The following PACS2 variants were observed in gnomAD, a reference collection of about 807,000 sequenced individuals.
The protein encoded by PACS2 is phosphofurin acidic cluster sorting protein 2.
In PACS2, 36 loss-of-function variants were observed where a neutral mutation model predicts 113.0. The ratio of observed to expected loss-of-function variants is 0.32; its 90% CI spans 0.24 to 0.42. The LOEUF (loss-of-function observed/expected upper bound fraction) is 0.42. PACS2 is among the 10% of genes least tolerant of loss of function. The pLI is 1.00. For missense variants in PACS2, 1,015 were observed against 1,239.5 expected, an observed-to-expected ratio of 0.82 and a Z score of 2.72; for synonymous variants, 589 against 536.1, an observed-to-expected ratio of 1.10 and a Z score of -1.36.
At chr14:105,306,556 A>G (rs772553740) in intron 1 of PACS2, among the ~76,000 whole-genome samples, 34 of 149,824 alleles carry the variant, frequency 2.3e-4, no homozygotes, top group Non-Finnish European at 3.8e-4. Flanking sequence ...GCCCACCTCA[A>G]CCTCCCAAAG....
chr14:105,335,246 A>G (rs1202012048), intron 1 of PACS2, among the ~76,000 whole-genome samples: 1 of 152,248 alleles, frequency 6.6e-6, no homozygotes, highest in Non-Finnish European at 1.5e-5. Flanking sequence ...TCTGGGGCAG[A>G]TGCCGTTGCT....
rs1389737565 is a variant in PACS2 at position 105,323,101 on chromosome 14, C to T, written c.119+8064C>T. Among the ~76,000 whole-genome samples the T allele has an allele frequency of 6.6e-6, 1 of 152,132 alleles. No individual in the cohort carries two copies. Among genetic ancestry groups the T allele is most frequent in the Admixed American group, 6.5e-5 (1 of 15,276 alleles). On this transcript the variant is annotated intron_variant, in intron 1 of 24. Coordinates refer to ENST00000447393, the MANE Select transcript of PACS2 (RefSeq NM_001100913.3). The surrounding 1 kb of genome is among the most constrained non-coding windows in gnomAD (Gnocchi z 4.1). ...TGGTCATGTCATCGTTGCCAACGGT[C>T]GTCTCATGGTGGGTCCTGGTGTGGG...
rs180801735 is a variant in PACS2, at chr14:105,303,468, C to T, written c.-83+2489C>T. On this transcript the variant is annotated intron_variant, in intron 1 of 23. Coordinates refer to the PACS2 transcript ENST00000430725. The stretch of plus-strand genomic sequence containing the variant: ...CTGTGTTAGCCAGGATGGTCTTGAT[C>T]TCCTGACCTCGTGATCCACCTGTCT... Among the ~76,000 whole-genome samples, 22 of 152,324 alleles carry T rather than the reference C, an allele frequency of 1.4e-4. No homozygotes were observed. In the East Asian group the frequency reaches 4.2e-3, roughly 29 times the overall value.
At chr14:105,360,032 C>G (rs1347200236) in intron 4 of PACS2, among the ~76,000 whole-genome samples, 1 of 152,154 alleles carries the variant, frequency 6.6e-6, no homozygotes, top group Non-Finnish European at 1.5e-5. Flanking sequence ...GGTCTGTGGC[C>G]TAGGAGCAGG....
upstream of PACS2, among the ~76,000 whole-genome samples, chr14:105,313,663 C>T (rs1258237823): frequency 6.6e-6 from 1 of 152,254 alleles, no homozygotes; most frequent in African/African-American, 2.4e-5. Flanking sequence ...AAACCAGCTC[C>T]AGGTCAATTT....
Position 105,329,101 on chromosome 14 carries a change from C to G in PACS2, c.119+14064C>G, listed in dbSNP as rs1190263237. On this transcript the variant is annotated intron_variant, in intron 1 of 24. Coordinates refer to ENST00000447393, the MANE Select transcript of PACS2 (RefSeq NM_001100913.3). The surrounding 1 kb of genome is among the most constrained non-coding windows in gnomAD (Gnocchi z 6.4). ...AGGGAGGACTCCCTGGAGGCTGGCC[C>G]TGCGCCCTGGAGGCCAGCATGGCCC... 6.6e-6 allele frequency among the ~76,000 whole-genome samples: 1 copy of G among 152,322 alleles called. No homozygotes were observed. Among genetic ancestry groups the G allele is most frequent in the East Asian group, 1.9e-4 (1 of 5,184 alleles).
chr14:105,388,353 C>T lies in PACS2; in HGVS notation c.2034-1608C>T, dbSNP rs587603471. 5.3e-5 allele frequency among the ~76,000 whole-genome samples: 8 copies of T among 152,344 alleles called. No homozygotes were observed. In the South Asian group the frequency reaches 6.2e-4, roughly 12 times the overall value. ...TGCCTCCTGGGAGTGTGCTCTGGAC[C>T]GGCTGCCGGGCAGAGGCTGTTTTAC... On this transcript the variant is annotated intron_variant, in intron 19 of 24. Coordinates refer to ENST00000447393, the MANE Select transcript of PACS2 (RefSeq NM_001100913.3).
Position 105,391,625 on chromosome 14 carries a change from C to G in PACS2, c.2120-6C>G. ...GCTCAGCCTGCCCTGTGACTCCTCC[C>G]CAAAGGCGACTCGGACGACGCGGCC... On this transcript the variant is annotated splice_polypyrimidine_tract_variant and splice_region_variant and intron_variant, in intron 21 of 24. Transcript: ENST00000447393. 6.2e-7 allele frequency: 1 copy of G among 1,608,068 alleles called. No homozygotes were observed. Among genetic ancestry groups the G allele is most frequent in the East Asian group, 2.2e-5 (1 of 44,822 alleles).
chr14:105,369,369 G>T (rs1329503722), intron 7 of PACS2, among the ~76,000 whole-genome samples: 1 of 152,200 alleles, frequency 6.6e-6, no homozygotes, highest in Non-Finnish European at 1.5e-5. Context: ...CGAGAGGGTG[G>T]CTGAGGGTCC....
chr14:105,347,031 C>A (rs1441404665), intron 1 of PACS2, among the ~76,000 whole-genome samples: 1 of 125,396 alleles, frequency 8.0e-6, no homozygotes, highest in Non-Finnish European at 1.7e-5. Context: ...ACGGCTCCCC[C>A]ACTGCCTGTT....
rs893836222 is a variant in PACS2 at position 105,323,590 on chromosome 14, G to A, written c.119+8553G>A. ...TTTCATTTTGAGTGGTGGGGAAGTC[G>A]CTGGACTATTTCAAGTGTGTGTATT... is the stretch of plus-strand genomic sequence containing the variant. On this transcript the variant is annotated intron_variant, in intron 1 of 24. Transcript: ENST00000447393. This position sits in a 1 kb window ranked among gnomAD's most constrained non-coding sequence, Gnocchi z 4.1. 4.6e-5 allele frequency among the ~76,000 whole-genome samples: 7 copies of A among 152,230 alleles called. No homozygotes were observed. The highest frequency in any genetic ancestry group is 1.2e-4 in the African/African-American group (5 of 41,458).
At position 105,317,877 on chromosome 14, in the gene PACS2, G is replaced by A. The variant is rs766395299; in HGVS notation, c.119+2840G>A. On this transcript the variant is annotated intron_variant, in intron 1 of 24. Coordinates refer to ENST00000447393, the MANE Select transcript of PACS2 (RefSeq NM_001100913.3). The surrounding 1 kb of genome is among the most constrained non-coding windows in gnomAD (Gnocchi z 4.2). ...CCCGGGAGCTTGAACTGGGCATGCTGGGCTGTTGTTGGGGAGGCCTGTGCT... is the reference window on the plus strand; with the variant it reads ...CCCGGGAGCTTGAACTGGGCATGCTAGGCTGTTGTTGGGGAGGCCTGTGCT... Among the ~76,000 whole-genome samples the A allele has an allele frequency of 6.6e-6, 1 of 152,144 alleles. No homozygotes were observed. The highest frequency in any genetic ancestry group is 1.5e-5 in the Non-Finnish European group (1 of 68,030).
At chr14:105,325,621 C>A (rs2059076430) in intron 1 of PACS2, among the ~76,000 whole-genome samples, 1 of 152,214 alleles carries the variant, frequency 6.6e-6, no homozygotes, top group Non-Finnish European at 1.5e-5. Context: ...AGCAAAGTGG[C>A]CATGCAGTCC....
At chr14:105,322,628 G>A (rs765262349) in intron 1 of PACS2, among the ~76,000 whole-genome samples, 26 of 152,248 alleles carry the variant, frequency 1.7e-4, no homozygotes, top group Non-Finnish European at 3.2e-4. Context: ...AACTATGCAG[G>A]GACCTTAGCC....
intron 1 of PACS2, among the ~76,000 whole-genome samples, chr14:105,304,790 A>G (rs2058136469): frequency 6.6e-6 from 1 of 152,260 alleles, no homozygotes; most frequent in Admixed American, 6.5e-5. Context: ...GGATGGCAGC[A>G]GGGAGAGAGA....
intron 1 of PACS2, among the ~76,000 whole-genome samples, chr14:105,346,308 A>G (rs1555402570): frequency 1.3e-5 from 2 of 152,052 alleles, no homozygotes; most frequent in Non-Finnish European, 2.9e-5. Flanking sequence ...TTTGACCTAC[A>G]CTGACCCGAT....
intron 1 of PACS2, among the ~76,000 whole-genome samples, chr14:105,301,571 G>C (rs2058030028): frequency 6.6e-6 from 1 of 152,184 alleles, no homozygotes; most frequent in South Asian, 2.1e-4. Flanking sequence ...CCCGCCAGGG[G>C]CCACCCTGCC....
chr14:105,352,815 C>CA (rs1555404392), intron 3 of PACS2, among the ~76,000 whole-genome samples: 13 of 132,826 alleles, frequency 9.8e-5, no homozygotes, highest in African/African-American at 1.7e-4. Flanking sequence ...CGGGCCCCCC[C>CA]ATCACTGTCC....
intron 1 of PACS2, among the ~76,000 whole-genome samples, chr14:105,325,612 G>A (rs892446055): frequency 2.0e-5 from 3 of 152,250 alleles, no homozygotes; most frequent in Non-Finnish European, 1.5e-5. Context: ...GAGCTGGGCA[G>A]CAAAGTGGCC....
Sources: gnomAD v4.1 joint callset for allele counts (sites outside exome capture counted in the v4.1 genomes callset) on GRCh38, gnomAD v4.1.1 for gene constraint, Gnocchi (gnomAD v3.1) non-coding constraint, MANE v1.5 for transcripts, NCBI Gene and HGNC (gene_info 2026-07-23, HGNC 2026-07-21) for gene names.